NKAIN3: variants seen among roughly 807,000 people sequenced by gnomAD.
The protein encoded by NKAIN3 is sodium/potassium transporting ATPase interacting 3, also known as sodium/potassium-transporting ATPase subunit beta-1-interacting protein 3.
Under a neutral mutation model 30.2 loss-of-function variants are expected in NKAIN3, and 25 were observed. The observed-to-expected ratio is 0.83, with a 90% CI of 0.60 to 1.16. The LOEUF (loss-of-function observed/expected upper bound fraction) is 1.16. Among genes scored for constraint, NKAIN3 ranks in the 50% most tolerant of loss-of-function variants. The pLI is 0.00. For synonymous variants in NKAIN3, 91 were observed against 89.6 expected (o/e 1.02, Z -0.09); for missense variants, 225 against 254.1 (o/e 0.89, Z 0.78).
intron 5 of NKAIN3, among the ~76,000 whole-genome samples, chr8:62,993,568 A>T (rs949853943): frequency 3.3e-5 from 5 of 152,056 alleles, no homozygotes; most frequent in African/African-American, 1.2e-4. Context: ...GCACTGGAAA[A>T]ATCTCTCACA....
At chr8:62,594,041 A>C (rs1810741016) in intron 3 of NKAIN3, among the ~76,000 whole-genome samples, 2 of 151,884 alleles carry the variant, frequency 1.3e-5, no homozygotes, top group African/African-American at 4.8e-5. Flanking sequence ...CAAGTTACTT[A>C]ATTACCTCTG....
intron 1 of NKAIN3, among the ~76,000 whole-genome samples, chr8:62,454,780 T>A (rs1042518469): frequency 6.6e-6 from 1 of 152,160 alleles, no homozygotes; most frequent in African/African-American, 2.4e-5. Context: ...AAGGGAAAAA[T>A]AGTCAAATAC....
Position 62,746,997 on chromosome 8 carries a change from T to C in NKAIN3, c.339T>C (p.Gly113=), listed in dbSNP as rs1288681864. The C allele has an allele frequency of 6.8e-6, 11 of 1,613,818 alleles. No homozygotes were observed. The highest frequency in any genetic ancestry group is 3.3e-5 in the Admixed American group (2 of 60,010). Residue 113 remains glycine, a synonymous_variant, in exon 4 of 7, where the codon GGT becomes GGC. Coordinates refer to ENST00000623646, the MANE Select transcript of NKAIN3 (RefSeq NM_001304533.3). The part of the protein sequence containing the change: ...HRSWWREHGP[G]CVRRVLPPSA... ...CATGGTGGAGAGAACATGGGCCTGGTTGTGTCAGAAGAGTGCTGCCTCCCT... is the reference window on the plus strand; with the variant it reads ...CATGGTGGAGAGAACATGGGCCTGGCTGTGTCAGAAGAGTGCTGCCTCCCT...
chr8:62,427,878 A>G (rs1269154963), intron 1 of NKAIN3, among the ~76,000 whole-genome samples: 1 of 151,940 alleles, frequency 6.6e-6, no homozygotes, highest in Non-Finnish European at 1.5e-5. Context: ...CTATGTTAAA[A>G]TATACAATAA....
At chr8:62,337,022 T>C (rs1815574695) in intron 1 of NKAIN3, among the ~76,000 whole-genome samples, 1 of 151,916 alleles carries the variant, frequency 6.6e-6, no homozygotes, top group African/African-American at 2.4e-5. Context: ...GGCTAGAGAG[T>C]GGGCTCAGCC....
intron 1 of NKAIN3, among the ~76,000 whole-genome samples, chr8:62,392,734 C>T (rs191596820): frequency 6.6e-6 from 1 of 152,060 alleles, no homozygotes; most frequent in Admixed American, 6.6e-5. Context: ...AACAGAGAAG[C>T]AACTATTTTT....
chr8:62,857,694 A>G (rs1396068906), intron 4 of NKAIN3, among the ~76,000 whole-genome samples: 5 of 152,100 alleles, frequency 3.3e-5, no homozygotes, highest in Non-Finnish European at 7.4e-5. Flanking sequence ...TTTCAGTTCT[A>G]TCATGTTCCT....
intron 4 of NKAIN3, chr8:62,863,105 C>A (rs1563599350): frequency 2.3e-6 from 3 of 1,297,992 alleles, no homozygotes; most frequent in South Asian, 1.2e-5. Flanking sequence ...GGGTATTCCC[C>A]ATCCTGCTCA....
At chr8:62,330,208 G>T (rs765039086) in intron 1 of NKAIN3, among the ~76,000 whole-genome samples, 17 of 151,948 alleles carry the variant, frequency 1.1e-4, no homozygotes, top group Non-Finnish European at 1.9e-4. Flanking sequence ...GGCAACAGGG[G>T]TGATGAATAA....
At chr8:62,839,260 G>A (rs948249395) in intron 4 of NKAIN3, among the ~76,000 whole-genome samples, 2 of 148,006 alleles carry the variant, frequency 1.4e-5, no homozygotes, top group Non-Finnish European at 3.0e-5. Flanking sequence ...TGCTAAGCCT[G>A]ACAGACTATT....
At chr8:62,601,021 C>A (rs968227127) in intron 3 of NKAIN3, among the ~76,000 whole-genome samples, 1 of 152,032 alleles carries the variant, frequency 6.6e-6, no homozygotes, top group African/African-American at 2.4e-5. Flanking sequence ...ATATTTTAGA[C>A]CGTCAATTCA....
intron 3 of NKAIN3, among the ~76,000 whole-genome samples, chr8:62,723,340 G>A (rs1035756923): frequency 6.6e-6 from 1 of 152,022 alleles, no homozygotes; most frequent in Non-Finnish European, 1.5e-5. Flanking sequence ...TGTAAATTAG[G>A]TAAAATGTGT....
At chr8:62,420,992 A>G (rs1400127131) in intron 1 of NKAIN3, among the ~76,000 whole-genome samples, 1 of 152,204 alleles carries the variant, frequency 6.6e-6, no homozygotes, top group Non-Finnish European at 1.5e-5. Context: ...TGAGATGACT[A>G]TATCGGGTCT....
intron 1 of NKAIN3, among the ~76,000 whole-genome samples, chr8:62,338,829 A>C (rs1815648481): frequency 6.6e-6 from 1 of 151,980 alleles, no homozygotes. Context: ...TATTCTAGCC[A>C]GGCTGGTAGC....
chr8:62,540,660 A>G lies in NKAIN3; in HGVS notation c.55-38879A>G, dbSNP rs955228360. Among the ~76,000 whole-genome samples the G allele has an allele frequency of 7.1e-4, 108 of 152,090 alleles. 1 individual carries two copies. Among genetic ancestry groups the G allele is most frequent in the Admixed American group, 2.7e-3 (41 of 15,252 alleles). On this transcript the variant is annotated intron_variant, in intron 1 of 6. Coordinates refer to ENST00000623646, the MANE Select transcript of NKAIN3 (RefSeq NM_001304533.3). ...AGTTTAGAGTAGCCTCTCTAGACCT[A>G]TTCTTCAGCTGTCATCCGAAGAGCT...
At chr8:62,745,710 AT>A (rs201542852) in intron 3 of NKAIN3, among the ~76,000 whole-genome samples, 1,549 of 152,288 alleles carry the variant, frequency 0.01, 26 homozygotes, top group African/African-American at 0.034. Context: ...GTGTATTTTG[AT>A]ATACATAAAA....
chr8:62,828,075 C>T (rs1190404723), intron 4 of NKAIN3, among the ~76,000 whole-genome samples: 1 of 150,342 alleles, frequency 6.7e-6, no homozygotes, highest in East Asian at 2.0e-4. Flanking sequence ...CAATACTACT[C>T]AGTAGTAAAA....
At chr8:62,292,375 A>G (rs1032669812) in intron 1 of NKAIN3, among the ~76,000 whole-genome samples, 4 of 152,064 alleles carry the variant, frequency 2.6e-5, no homozygotes, top group Non-Finnish European at 4.4e-5. Flanking sequence ...GGCTGGTACC[A>G]GTTGTTCCTT....
chr8:62,701,699 C>G (rs1445613513), intron 3 of NKAIN3, among the ~76,000 whole-genome samples: 1 of 152,192 alleles, frequency 6.6e-6, no homozygotes, highest in African/African-American at 2.4e-5. Flanking sequence ...GAAGTGGTCT[C>G]TGGAACCCTG....
Sources: gnomAD v4.1 joint callset for allele counts (sites outside exome capture counted in the v4.1 genomes callset) on GRCh38, gnomAD v4.1.1 for gene constraint, MANE v1.5 for transcripts, NCBI Gene and HGNC (gene_info 2026-07-23, HGNC 2026-07-21) for gene names.